Variants in TMCO4 observed in about 807,000 individuals in gnomAD.
The protein encoded by TMCO4 is transmembrane and coiled-coil domains 4, also known as transmembrane and coiled-coil domain-containing protein 4.
A neutral mutation model predicts 64.7 loss-of-function variants in TMCO4; 58 were observed. The ratio of observed to expected loss-of-function variants is 0.90; its 90% CI spans 0.73 to 1.12. The LOEUF (loss-of-function observed/expected upper bound fraction) is 1.12, where lower values mean the gene tolerates loss of function less well. Among genes scored for constraint, TMCO4 ranks in the 50% most tolerant of loss-of-function variants. The pLI is 0.00. For synonymous variants in TMCO4, 325 were observed against 346.1 expected (o/e 0.94, Z 0.68); for missense variants, 780 against 825.9 (o/e 0.94, Z 0.68).
At chr1:19,717,417 T>C (rs2095361830) in intron 13 of TMCO4, among the ~76,000 whole-genome samples, 1 of 152,128 alleles carries the variant, frequency 6.6e-6, no homozygotes, top group African/African-American at 2.4e-5. Context: ...CAGGAGACAT[T>C]TGCTGGCTGA....
rs748959890 is a variant in TMCO4, at chr1:19,771,372, T to A, written c.290A>T (p.Asp97Val). The A allele has an allele frequency of 6.2e-7, 1 of 1,614,134 alleles. No homozygotes were observed. Among genetic ancestry groups the A allele is most frequent in the Non-Finnish European group, 8.5e-7 (1 of 1,180,030 alleles). ...CTTCAGTAAAATTTGAACAAACACA[T>A]CTGCTCCTTCACCTCCCAGGCCGCT... ...FASGLGGEGA[D>V]VFVQILLKDP... The change falls in exon 5 of 16, where the codon GAT (aspartate) becomes GTT (valine). Residue 97 changes from aspartate to valine, a missense_variant. Asp to Val is a radical substitution (Grantham distance 152, BLOSUM62 -3). Coordinates refer to ENST00000294543, the MANE Select transcript of TMCO4 (RefSeq NM_181719.7).
intron 13 of TMCO4, among the ~76,000 whole-genome samples, chr1:19,718,695 C>T (rs2095368341): frequency 1.4e-5 from 2 of 145,334 alleles, no homozygotes; most frequent in Non-Finnish European, 3.0e-5. Flanking sequence ...CACCTGGTTG[C>T]CAGTGTCATA....
chr1:19,744,689 G>A (rs143344142), intron 10 of TMCO4, among the ~76,000 whole-genome samples: 1 of 152,244 alleles, frequency 6.6e-6, no homozygotes, highest in East Asian at 1.9e-4. Context: ...CTTTGCACCT[G>A]CTGTCCCTTT....
chr1:19,789,042 T>A (rs547962495), intron 2 of TMCO4, among the ~76,000 whole-genome samples: 1 of 146,636 alleles, frequency 6.8e-6, no homozygotes, highest in Non-Finnish European at 1.5e-5. Flanking sequence ...ATCACTGCAC[T>A]CCAGCCTGGG....
intron 15 of TMCO4, among the ~76,000 whole-genome samples, chr1:19,692,403 T>C (rs542953304): frequency 6.6e-6 from 1 of 152,202 alleles, no homozygotes; most frequent in Non-Finnish European, 1.5e-5. Flanking sequence ...TCAGTGACCT[T>C]GTCTGTACAA....
chr1:19,776,259 C>T (rs1189821873), intron 4 of TMCO4, among the ~76,000 whole-genome samples: 1 of 152,162 alleles, frequency 6.6e-6, no homozygotes, highest in Non-Finnish European at 1.5e-5. Context: ...ACAGAGCAAC[C>T]ATGTGGAAAC....
intron 13 of TMCO4, among the ~76,000 whole-genome samples, chr1:19,706,605 A>C (rs1557484375): frequency 2.6e-5 from 4 of 152,194 alleles, no homozygotes; most frequent in Admixed American, 6.5e-5. Flanking sequence ...GTTCTCGCTA[A>C]GTTATTAATA....
chr1:19,746,656 G>T, intron 8 of TMCO4, 57 bp from the exon 9 acceptor site: 4 of 1,551,590 alleles, frequency 2.6e-6, no homozygotes, highest in Non-Finnish European at 3.5e-6. Flanking sequence ...TGGACGCGGT[G>T]GCTCACGCCT....
At chr1:19,768,693 G>A (rs1255317348) in intron 6 of TMCO4, among the ~76,000 whole-genome samples, 5 of 152,122 alleles carry the variant, frequency 3.3e-5, no homozygotes, top group Non-Finnish European at 2.9e-5. Context: ...TCCACGATAT[G>A]GAATTAAAAT....
At chr1:19,701,915 G>A (rs1303476854) in intron 13 of TMCO4, among the ~76,000 whole-genome samples, 2 of 151,942 alleles carry the variant, frequency 1.3e-5, no homozygotes, top group Non-Finnish European at 2.9e-5. Flanking sequence ...CATAAGGATC[G>A]CTTCAGCCCA....
chr1:19,777,677 C>G (rs1367208139), intron 4 of TMCO4, among the ~76,000 whole-genome samples: 1 of 152,142 alleles, frequency 6.6e-6, no homozygotes, highest in Non-Finnish European at 1.5e-5. Flanking sequence ...CTGAATCAAC[C>G]CTGGAACCTT....
intron 3 of TMCO4, among the ~76,000 whole-genome samples, chr1:19,784,050 C>T (rs2043613662): frequency 1.3e-5 from 2 of 152,216 alleles, no homozygotes; most frequent in Non-Finnish European, 2.9e-5. Context: ...TAATCAACTC[C>T]ACGTGCCACT....
rs2095442361 is a variant in TMCO4 at position 19,734,100 on chromosome 1, A to G, written c.1264+3272T>C. The stretch of plus-strand genomic sequence containing the variant: ...ATTATTGGAGGGAAAGCTTCCAGAC[A>G]CAGTGAGACCTGAGAAATGAGTAGG... On this transcript the variant is annotated intron_variant, in intron 13 of 15. Transcript: ENST00000294543. This position sits in a 1 kb window ranked among gnomAD's most constrained non-coding sequence, Gnocchi z 4.4. Among the ~76,000 whole-genome samples, 1 of 152,196 alleles carries G rather than the reference A, an allele frequency of 6.6e-6. No homozygotes were observed. Among genetic ancestry groups the G allele is most frequent in the Non-Finnish European group, 1.5e-5 (1 of 68,044 alleles).
In TMCO4 at chr1:19,745,548, G is replaced by C; in HGVS notation, c.861C>G (p.Leu287=). The C allele has an allele frequency of 6.2e-7, 1 of 1,614,098 alleles. No individual in the cohort carries two copies. Among genetic ancestry groups the C allele is most frequent in the Middle Eastern group, 1.6e-4 (1 of 6,062 alleles). The change falls in exon 10 of 16, where the codon CTC becomes CTG. Residue 287 remains leucine (L), a synonymous_variant. Transcript: ENST00000294543. ...GGTCCTCACGGTATTTGCCAGAAGCGAGCCACCCCGTGACGGCGATGGTGA... is the reference window on the plus strand; with the variant it reads ...GGTCCTCACGGTATTTGCCAGAAGCCAGCCACCCCGTGACGGCGATGGTGA... ...LHITIAVTGW[L]ASGKYRTFSA... is the part of the protein sequence containing the mutation.
At chr1:19,767,006 C>G (rs543697450) in intron 6 of TMCO4, among the ~76,000 whole-genome samples, 5 of 152,320 alleles carry the variant, frequency 3.3e-5, no homozygotes, top group Admixed American at 3.3e-4. Flanking sequence ...CTGCTGGCAC[C>G]TGTTGAGGCT....
At chr1:19,693,456 C>T (rs1570639518) in intron 15 of TMCO4, among the ~76,000 whole-genome samples, 1 of 151,898 alleles carries the variant, frequency 6.6e-6, no homozygotes, top group Non-Finnish European at 1.5e-5. Flanking sequence ...CCAGACTGGG[C>T]AACAGAGTGA....
intron 13 of TMCO4, among the ~76,000 whole-genome samples, chr1:19,702,368 G>C (rs1222636738): frequency 1.3e-5 from 2 of 152,074 alleles, no homozygotes; most frequent in Non-Finnish European, 1.5e-5. Flanking sequence ...AAGGTGGGTG[G>C]ATCACTGAAG....
chr1:19,693,032 A>G (rs115078773), intron 15 of TMCO4, among the ~76,000 whole-genome samples: 2,237 of 149,884 alleles, frequency 0.015, 25 homozygotes, highest in Non-Finnish European at 0.026. Flanking sequence ...AATTAGCTAG[A>G]TGTGGTGGTG....
chr1:19,690,854 T>C (rs150979285), intron 15 of TMCO4, among the ~76,000 whole-genome samples: 69 of 149,534 alleles, frequency 4.6e-4, no homozygotes, highest in African/African-American at 1.7e-3. Flanking sequence ...GCCAAGTCTA[T>C]CTGTGAAGAC....
Sources: gnomAD v4.1 joint callset for allele counts (sites outside exome capture counted in the v4.1 genomes callset) on GRCh38, gnomAD v4.1.1 for gene constraint, Gnocchi (gnomAD v3.1) non-coding constraint, MANE v1.5 for transcripts, NCBI Gene and HGNC (gene_info 2026-07-23, HGNC 2026-07-21) for gene names.